Variants in RAD51 observed in about 807,000 individuals in gnomAD.
The protein encoded by RAD51 is RAD51 recombinase, also known as DNA repair protein RAD51 homolog 1.
In RAD51, 14 loss-of-function variants were observed where a neutral mutation model predicts 41.5. That is an observed-to-expected ratio of 0.34 (90% CI 0.22 to 0.53). The LOEUF (loss-of-function observed/expected upper bound fraction) is 0.53, where lower values mean the gene tolerates loss of function less well. Ranked by LOEUF, RAD51 falls within the 20% of genes least tolerant of loss-of-function variation. RAD51 has a pLI of 0.95. For synonymous variants in RAD51, 136 were observed against 148.6 expected, an observed-to-expected ratio of 0.92 and a Z score of 0.62; for missense variants, 234 against 422.0, an observed-to-expected ratio of 0.55 and a Z score of 3.90.
At position 40,698,845 on chromosome 15, in the gene RAD51, G is replaced by A; in HGVS notation, c.87G>A (p.Glu29=). The A allele has an allele frequency of 6.2e-7, 1 of 1,613,726 alleles. No homozygotes were observed. The highest frequency in any genetic ancestry group is 1.3e-5 in the African/African-American group (1 of 75,034). Residue 29 remains glutamate (E), a splice_region_variant and synonymous_variant, in exon 2 of 10, where the codon GAG becomes GAA. Transcript: ENST00000267868. ...GCCCACAACCCATTTCACGGTTAGA[G>A]GTATGTGGTTAGTTGCTAATTTTGG... The part of the protein sequence containing the change: ...SFGPQPISRL[E]QCGINANDVK...
At chr15:40,709,711 A>G (rs1376631815) in intron 5 of RAD51, among the ~76,000 whole-genome samples, 1 of 152,182 alleles carries the variant, frequency 6.6e-6, no homozygotes, top group African/African-American at 2.4e-5. Context: ...ATGATTCATC[A>G]TTAAAGTAAT....
At chr15:40,715,313 C>A (rs1567046612) in intron 5 of RAD51, among the ~76,000 whole-genome samples, 1 of 152,056 alleles carries the variant, frequency 6.6e-6, no homozygotes, top group Admixed American at 6.6e-5. Context: ...TGAGATCGTG[C>A]CACTGCACTC....
rs45511893 is a variant in RAD51, at chr15:40,731,817, G to A, written c.*639G>A. 87 of 211,764 alleles carry A rather than the reference G, an allele frequency of 4.1e-4. 1 individual carries two copies. Among genetic ancestry groups the A allele is most frequent in the East Asian group, 3.7e-3 (51 of 13,896 alleles). The allele number at this position is 211,764 out of a possible 1,614,324, so 13.1% of individuals were successfully genotyped here. A position where few individuals can be genotyped will look rare whatever the true frequency, so the allele number is the denominator to read the frequency against. On this transcript the variant is annotated 3_prime_UTR_variant, in exon 10 of 10. Coordinates refer to ENST00000267868, the MANE Select transcript of RAD51 (RefSeq NM_002875.5). Reference sequence around the variant, plus strand: ...ATTTCAGGCCAGTGTGGTGTCTTGCGCCTGTACTCCCAGCACTTTGGGAGG... The same window carrying A: ...ATTTCAGGCCAGTGTGGTGTCTTGCACCTGTACTCCCAGCACTTTGGGAGG...
intron 6 of RAD51, among the ~76,000 whole-genome samples, chr15:40,719,906 T>G (rs1393506644): frequency 6.6e-6 from 1 of 150,894 alleles, no homozygotes; most frequent in Admixed American, 6.6e-5. Flanking sequence ...CAGGAAGATA[T>G]AACAGTTGTA....
chr15:40,731,826 C>G lies in RAD51; in HGVS notation c.*648C>G, dbSNP rs1305166095. The G allele has an allele frequency of 1.4e-5, 3 of 212,014 alleles. No homozygotes were observed. Among genetic ancestry groups the G allele is most frequent in the Non-Finnish European group, 2.9e-5 (3 of 104,996 alleles). The allele number at this position is 212,014 out of a possible 1,614,324, so 13.1% of individuals were successfully genotyped here. A position where few individuals can be genotyped will look rare whatever the true frequency, so the allele number is the denominator to read the frequency against. On this transcript the variant is annotated 3_prime_UTR_variant, in exon 10 of 10. Coordinates refer to ENST00000267868, the MANE Select transcript of RAD51 (RefSeq NM_002875.5). ...CAGTGTGGTGTCTTGCGCCTGTACT[C>G]CCAGCACTTTGGGAGGCCGAGGCAG...
chr15:40,713,593 A>G (rs1217259927), intron 5 of RAD51, among the ~76,000 whole-genome samples: 1 of 146,156 alleles, frequency 6.8e-6, no homozygotes, highest in Admixed American at 6.9e-5. Flanking sequence ...TTCTTTGCAG[A>G]CCAAAATGTT....
At chr15:40,728,610 A>G (rs1896710190) in intron 6 of RAD51, 101 bp from the exon 7 acceptor site, 2 of 951,236 alleles carry the variant, frequency 2.1e-6, no homozygotes, top group Admixed American at 1.7e-5. Flanking sequence ...TGTCAGTACC[A>G]CTTCTTCCCT....
intron 2 of RAD51, among the ~76,000 whole-genome samples, chr15:40,699,350 T>G (rs1003257633): frequency 2.0e-5 from 3 of 152,096 alleles, no homozygotes; most frequent in Non-Finnish European, 4.4e-5. Context: ...TCCATGTTGG[T>G]CAGGCTAGTC....
intron 6 of RAD51, among the ~76,000 whole-genome samples, chr15:40,721,060 G>A (rs1460900925): frequency 6.6e-6 from 1 of 152,178 alleles, no homozygotes. Flanking sequence ...CACACTGCCT[G>A]TAGTCTGAGC....
intron 3 of RAD51, among the ~76,000 whole-genome samples, chr15:40,704,403 C>G (rs1454030952): frequency 6.6e-6 from 1 of 150,686 alleles, no homozygotes; most frequent in African/African-American, 2.4e-5. Flanking sequence ...ACTCTCTTGC[C>G]CAGGCTGGAG....
At chr15:40,721,137 C>A (rs1024796578) in intron 6 of RAD51, among the ~76,000 whole-genome samples, 1 of 152,132 alleles carries the variant, frequency 6.6e-6, no homozygotes, top group Admixed American at 6.6e-5. Context: ...GACCTGAGAT[C>A]GCGCCACTGC....
At chr15:40,709,668 C>G (rs938238313) in intron 5 of RAD51, among the ~76,000 whole-genome samples, 1 of 152,154 alleles carries the variant, frequency 6.6e-6, no homozygotes, top group African/African-American at 2.4e-5. Context: ...CCACTGCGCC[C>G]AGCCCTCCAT....
intron 1 of RAD51, among the ~76,000 whole-genome samples, chr15:40,697,923 G>A (rs138173259): frequency 3.9e-4 from 60 of 152,236 alleles, no homozygotes; most frequent in African/African-American, 1.3e-3. Context: ...ATATCCATCA[G>A]TTCACTTAAA....
Position 40,701,001 on chromosome 15 carries a change from T to C in RAD51, c.88-63T>C. 4.2e-6 allele frequency: 6 copies of C among 1,439,194 alleles called. No homozygotes were observed. In the South Asian group the frequency reaches 6.7e-5, roughly 16 times the overall value. 89.2% of individuals were successfully genotyped at this position (1,439,194 alleles called of 1,614,324 possible). A position where few individuals can be genotyped will look rare whatever the true frequency, so the allele number is the denominator to read the frequency against. ...ACCTCTGTGAAGTATGTAGGACACA[T>C]AACATCTGTGTTAGATTAGAGAACT... On this transcript the variant is annotated intron_variant, in intron 2 of 9. Transcript: ENST00000267868.
rs1422816819 is a variant in RAD51 at position 40,731,148 on chromosome 15, T to C, written c.990T>C (p.Asn330=). 3.1e-6 allele frequency: 5 copies of C among 1,614,064 alleles called. No homozygotes were observed. In the South Asian group the frequency reaches 3.3e-5, roughly 11 times the overall value. The change falls in exon 10 of 10, where the codon AAT becomes AAC. Residue 330 remains asparagine, a synonymous_variant. Transcript: ENST00000267868. ...LPEAEAMFAI[N]ADGVGDAKD is the part of the protein sequence containing the mutation. ...AAGCTGAAGCTATGTTCGCCATTAA[T>C]GCAGATGGAGTGGGAGATGCCAAAG...
chr15:40,709,243 A>G, intron 5 of RAD51, 127 bp downstream of exon 5: 1 of 793,300 alleles, frequency 1.3e-6, no homozygotes, highest in East Asian at 2.6e-5. Context: ...AGCTGTTAAT[A>G]GTTAGAAGAT....
intron 5 of RAD51, 135 bp downstream of exon 5, chr15:40,709,251 G>T: frequency 1.4e-6 from 1 of 716,696 alleles, no homozygotes; most frequent in South Asian, 1.6e-5. Flanking sequence ...ATAGTTAGAA[G>T]ATAGACTCCT....
chr15:40,728,852 A>T, intron 7 of RAD51, 28 bp downstream of exon 7: 1 of 1,560,418 alleles, frequency 6.4e-7, no homozygotes, highest in Non-Finnish European at 8.8e-7. Context: ...GACACCAAAT[A>T]TGTTCTTAAG....
In RAD51 at chr15:40,729,844, C is replaced by G. The variant is rs200291527; in HGVS notation, c.775-9C>G. ...GCCACAAAATTGACATTTATCCTTT[C>G]CCCATCAGTTTGGTGTAGCAGTGGT... On this transcript the variant is annotated splice_polypyrimidine_tract_variant and intron_variant, in intron 8 of 9. Transcript: ENST00000267868. The G allele has an allele frequency of 1.2e-6, 2 of 1,614,130 alleles. No individual in the cohort carries two copies. The highest frequency in any genetic ancestry group is 4.5e-5 in the East Asian group (2 of 44,880).
Sources: allele counts gnomAD v4.1 joint callset (sites outside exome capture counted in the v4.1 genomes callset), GRCh38; gene constraint gnomAD v4.1.1; transcripts MANE v1.5; gene names NCBI Gene and HGNC (gene_info 2026-07-23, HGNC 2026-07-21).